The following CPQ variants were observed in gnomAD, a reference collection of about 807,000 sequenced individuals.
CPQ encodes Ser-Met dipeptidase.
Under a neutral mutation model 45.7 loss-of-function variants are expected in CPQ, and 37 were observed. That is an observed-to-expected ratio of 0.81 (90% CI 0.62 to 1.07). The LOEUF is 1.07. Among genes scored for constraint, CPQ ranks in the 50% least tolerant of loss-of-function variants. The probability of loss-of-function intolerance (pLI) is 0.00; values close to 1 mark genes in which losing one functional copy is unlikely to be tolerated. For synonymous variants in CPQ, 186 were observed against 205.8 expected (o/e 0.90, Z 0.82); for missense variants, 537 against 572.9 (o/e 0.94, Z 0.64).
At chr8:96,814,095 G>A (rs566099343) in intron 2 of CPQ, among the ~76,000 whole-genome samples, 8 of 151,758 alleles carry the variant, frequency 5.3e-5, no homozygotes, top group African/African-American at 1.7e-4. Context: ...AACAAATAAC[G>A]TATTTTGGGG....
At chr8:97,117,439 G>A (rs1772322767) in intron 7 of CPQ, among the ~76,000 whole-genome samples, 2 of 152,184 alleles carry the variant, frequency 1.3e-5, no homozygotes, top group African/African-American at 2.4e-5. Flanking sequence ...GGCCAGCCAA[G>A]ACAGTTGGTT....
intron 2 of CPQ, among the ~76,000 whole-genome samples, chr8:96,826,548 C>T (rs1168228062): frequency 2.0e-5 from 3 of 151,976 alleles, no homozygotes; most frequent in African/African-American, 7.3e-5. Flanking sequence ...CCCCAGAATG[C>T]AGACAGAAGG....
At chr8:97,024,206 G>A (rs565813686) in intron 5 of CPQ, among the ~76,000 whole-genome samples, 1 of 152,184 alleles carries the variant, frequency 6.6e-6, no homozygotes, top group East Asian at 1.9e-4. Context: ...CCTGCTCCGG[G>A]ACCTTAGTCA....
chr8:96,721,442 G>C (rs1057244423), intron 1 of CPQ, among the ~76,000 whole-genome samples: 1 of 152,108 alleles, frequency 6.6e-6, no homozygotes, highest in Non-Finnish European at 1.5e-5. Flanking sequence ...TGGAGGGACA[G>C]TACACCTATA....
chr8:96,879,187 A>C (rs752018311), intron 3 of CPQ, among the ~76,000 whole-genome samples: 18 of 152,170 alleles, frequency 1.2e-4, no homozygotes, highest in Non-Finnish European at 2.2e-4. Context: ...AAAGTATAAT[A>C]GTTTTTTTTT....
intron 7 of CPQ, among the ~76,000 whole-genome samples, chr8:97,127,661 C>T (rs969448930): frequency 1.3e-5 from 2 of 151,714 alleles, no homozygotes; most frequent in Non-Finnish European, 2.9e-5. Context: ...TGCACTCCAG[C>T]GTGGGTGACA....
intron 7 of CPQ, among the ~76,000 whole-genome samples, chr8:97,088,364 G>A (rs1183083644): frequency 6.6e-6 from 1 of 152,130 alleles, no homozygotes; most frequent in Non-Finnish European, 1.5e-5. Context: ...ATGACCATTT[G>A]GGAAAAGATT....
intron 1 of CPQ, among the ~76,000 whole-genome samples, chr8:96,764,450 A>G (rs1398979177): frequency 6.6e-6 from 1 of 152,208 alleles, no homozygotes; most frequent in Admixed American, 6.5e-5. Context: ...CTTAACATAT[A>G]TTCATTCAGT....
At chr8:97,140,009 A>G (rs1015956443) in intron 7 of CPQ, among the ~76,000 whole-genome samples, 3 of 137,662 alleles carry the variant, frequency 2.2e-5, no homozygotes, top group Non-Finnish European at 4.6e-5. Context: ...TGCAAGCAAG[A>G]TTTAAAAAAA....
In CPQ at chr8:97,122,941, TA is replaced by T. The variant is rs1231052303; in HGVS notation, c.1256-20075del. On this transcript the variant is annotated intron_variant, in intron 7 of 7. Coordinates refer to ENST00000220763, the MANE Select transcript of CPQ (RefSeq NM_016134.4). Reference sequence around the variant, plus strand: ...ATAAAATAAAATAAATAAAATAAAATAAAATAAAATAAAATAAAATAAAATA... The same window carrying T: ...ATAAAATAAAATAAATAAAATAAAATAAATAAAATAAAATAAAATAAAATA... 8.3e-3 allele frequency among the ~76,000 whole-genome samples: 415 copies of T among 49,900 alleles called. 19 individuals carry two copies. Among genetic ancestry groups the T allele is most frequent in the African/African-American group, 0.026 (191 of 7,474 alleles). The allele number at this position is 49,900 out of a possible 152,430, so 32.7% of individuals were successfully genotyped here. A position where few individuals can be genotyped will look rare whatever the true frequency, so the allele number is the denominator to read the frequency against.
At chr8:97,129,627 A>C (rs1476937009) in intron 7 of CPQ, among the ~76,000 whole-genome samples, 1 of 152,196 alleles carries the variant, frequency 6.6e-6, no homozygotes, top group African/African-American at 2.4e-5. Flanking sequence ...GCTCACAGCG[A>C]AACAGCCTGT....
intron 4 of CPQ, among the ~76,000 whole-genome samples, chr8:96,931,576 G>T (rs1812976242): frequency 6.6e-6 from 1 of 152,096 alleles, no homozygotes; most frequent in African/African-American, 2.4e-5. Flanking sequence ...AGAGCAGGAA[G>T]GATGACCACT....
intron 1 of CPQ, among the ~76,000 whole-genome samples, chr8:96,697,500 TC>T (rs949600779): frequency 6.6e-6 from 1 of 151,914 alleles, no homozygotes; most frequent in African/African-American, 2.4e-5. Context: ...TATTCAACAG[TC>T]CTAGCAAGAG....
intron 6 of CPQ, among the ~76,000 whole-genome samples, chr8:97,045,511 T>C (rs1810235436): frequency 6.6e-6 from 1 of 152,202 alleles, no homozygotes; most frequent in South Asian, 2.1e-4. Context: ...GCGCCCACTG[T>C]CTGGCACTCC....
chr8:96,939,072 T>C (rs190058953), intron 4 of CPQ, among the ~76,000 whole-genome samples: 2 of 152,330 alleles, frequency 1.3e-5, no homozygotes, highest in East Asian at 3.9e-4. Context: ...ATAGTTGGTA[T>C]ATACAACAGA....
chr8:97,135,562 AATGT>A (rs1383641231), intron 7 of CPQ, among the ~76,000 whole-genome samples: 2 of 152,080 alleles, frequency 1.3e-5, no homozygotes, highest in African/African-American at 4.8e-5. Context: ...TTAAATTTTA[AATGT>A]ATTTTTAGTA....
intron 1 of CPQ, among the ~76,000 whole-genome samples, chr8:96,766,043 C>T (rs1352987721): frequency 1.3e-5 from 2 of 152,134 alleles, no homozygotes; most frequent in African/African-American, 4.8e-5. Context: ...TAAGAGTTAC[C>T]TCCTCAAAGA....
chr8:96,692,528 A>G (rs115643739), intron 1 of CPQ, among the ~76,000 whole-genome samples: 3 of 152,318 alleles, frequency 2.0e-5, no homozygotes, highest in African/African-American at 4.8e-5. Flanking sequence ...AAACAGAGCA[A>G]GAGTCTTCCT....
At chr8:96,907,630 A>G (rs1335424385) in intron 4 of CPQ, among the ~76,000 whole-genome samples, 1 of 152,102 alleles carries the variant, frequency 6.6e-6, no homozygotes, top group Non-Finnish European at 1.5e-5. Context: ...GGCCAGAGCT[A>G]CTACTGTGCT....
Sources: gnomAD v4.1 joint callset for allele counts (sites outside exome capture counted in the v4.1 genomes callset) on GRCh38, gnomAD v4.1.1 for gene constraint, MANE v1.5 for transcripts, NCBI Gene and HGNC (gene_info 2026-07-23, HGNC 2026-07-21) for gene names.